TAOK3: variants seen among roughly 807,000 people sequenced by gnomAD.
TAOK3 encodes serine/threonine-protein kinase TAO3.
A neutral mutation model predicts 120.4 loss-of-function variants in TAOK3; 40 were observed. The ratio of observed to expected loss-of-function variants is 0.33; its 90% CI spans 0.26 to 0.43. TAOK3 has a LOEUF of 0.43. Ranked by LOEUF, TAOK3 falls within the 20% of genes least tolerant of loss-of-function variation. The pLI, the probability that TAOK3 is intolerant of heterozygous loss-of-function variation, is 1.00. For synonymous variants in TAOK3, 355 were observed against 387.5 expected (o/e 0.92, Z 0.99); for missense variants, 821 against 1,112.1 (o/e 0.74, Z 3.72).
Position 118,360,678 on chromosome 12 carries a change from T to TA in TAOK3, c.-194+11969dup, listed in dbSNP as rs1330088635. Reference sequence around the variant, plus strand: ...ACTAGGAATACAATAATGAACAAAATAAAGTCCCTGTGGTCATTCATATAA... The same window carrying TA: ...ACTAGGAATACAATAATGAACAAAATAAAAGTCCCTGTGGTCATTCATATAA... On this transcript the variant is annotated intron_variant, in intron 1 of 20. Coordinates refer to ENST00000392533, the MANE Select transcript of TAOK3 (RefSeq NM_016281.4). Among the ~76,000 whole-genome samples the TA allele has an allele frequency of 4.6e-5, 7 of 150,982 alleles. No individual in the cohort carries two copies. In the East Asian group the frequency reaches 1.4e-3, roughly 29 times the overall value.
At chr12:118,183,539 A>G (rs942664366) in intron 14 of TAOK3, among the ~76,000 whole-genome samples, 7 of 152,212 alleles carry the variant, frequency 4.6e-5, no homozygotes, top group African/African-American at 1.7e-4. Context: ...TATTATCAGA[A>G]AATGTGTTTT....
intron 3 of TAOK3, among the ~76,000 whole-genome samples, chr12:118,247,627 A>C (rs1210339173): frequency 6.6e-6 from 1 of 151,878 alleles, no homozygotes; most frequent in Non-Finnish European, 1.5e-5. Flanking sequence ...TGATCTTCCC[A>C]CCACAGCCTC....
intron 14 of TAOK3, among the ~76,000 whole-genome samples, chr12:118,189,535 GACACACACACAC>G (rs869285530): frequency 0.39 from 51,939 of 132,132 alleles, 10,285 homozygotes; most frequent in Admixed American, 0.46. Flanking sequence ...CACAGACACA[GACACACACACAC>G]ACACACACAC....
chr12:118,238,258 T>C, intron 6 of TAOK3, 89 bp from the exon 7 acceptor site: 1 of 673,940 alleles, frequency 1.5e-6, no homozygotes. Context: ...CTGGGTTACA[T>C]ACTTTCTCAC....
chr12:118,181,029 G>A (rs2036683423), intron 15 of TAOK3, among the ~76,000 whole-genome samples: 1 of 151,994 alleles, frequency 6.6e-6, no homozygotes, highest in Non-Finnish European at 1.5e-5. Context: ...ATTTTTAGAA[G>A]AGATGGAGTT....
chr12:118,153,566 T>A (rs2034601292), intron 19 of TAOK3, among the ~76,000 whole-genome samples: 1 of 151,992 alleles, frequency 6.6e-6, no homozygotes, highest in South Asian at 2.1e-4. Context: ...CAAAGCAGAG[T>A]AGAAGGTTTC....
At chr12:118,267,723 G>A (rs1461343089) in intron 1 of TAOK3, among the ~76,000 whole-genome samples, 2 of 150,628 alleles carry the variant, frequency 1.3e-5, no homozygotes, top group African/African-American at 4.9e-5. Context: ...CGTCTCTACT[G>A]AAAATAAACA....
chr12:118,252,075 C>A (rs2040779818), intron 3 of TAOK3, among the ~76,000 whole-genome samples: 1 of 152,152 alleles, frequency 6.6e-6, no homozygotes, highest in African/African-American at 2.4e-5. Context: ...CCCGCCTCGG[C>A]CTCCCAAGTG....
intron 1 of TAOK3, among the ~76,000 whole-genome samples, chr12:118,338,768 C>CA (rs1418828412): frequency 2.7e-5 from 3 of 110,954 alleles, no homozygotes; most frequent in African/African-American, 3.6e-5. Context: ...GTGTGGTCGA[C>CA]AGAGTGAGAC....
chr12:118,164,557 A>T (rs2035457154), intron 17 of TAOK3, among the ~76,000 whole-genome samples: 1 of 151,812 alleles, frequency 6.6e-6, no homozygotes, highest in Non-Finnish European at 1.5e-5. Context: ...AGCTGGGATT[A>T]CAGGTGCCCA....
intron 1 of TAOK3, among the ~76,000 whole-genome samples, chr12:118,356,446 TAC>T (rs1006304369): frequency 6.6e-6 from 1 of 151,894 alleles, no homozygotes; most frequent in African/African-American, 2.4e-5. Flanking sequence ...ATTACAGACT[TAC>T]ACCACCACGC....
chr12:118,194,240 A>G (rs914505659), intron 13 of TAOK3, among the ~76,000 whole-genome samples: 3 of 152,166 alleles, frequency 2.0e-5, no homozygotes, highest in African/African-American at 7.2e-5. Flanking sequence ...AGAAGGGATC[A>G]GCAGACCCAC....
chr12:118,213,871 C>A (rs940960950), intron 10 of TAOK3, 146 bp downstream of exon 10: 3 of 694,442 alleles, frequency 4.3e-6, no homozygotes, highest in Non-Finnish European at 7.2e-6. Context: ...ACAGTTGATG[C>A]TTGTGAGGCA....
At chr12:118,164,973 T>G (rs1565879133) in intron 17 of TAOK3, among the ~76,000 whole-genome samples, 1 of 152,158 alleles carries the variant, frequency 6.6e-6, no homozygotes, top group African/African-American at 2.4e-5. Context: ...GAGCACCTAC[T>G]ATGTGCTGGG....
At chr12:118,217,842 T>C (rs555102287) in intron 9 of TAOK3, among the ~76,000 whole-genome samples, 1 of 102,170 alleles carries the variant, frequency 9.8e-6, no homozygotes, top group African/African-American at 3.8e-5. Context: ...TATATATATA[T>C]ATATATATAT....
chr12:118,271,131 T>TA (rs1253386054), intron 1 of TAOK3, among the ~76,000 whole-genome samples: 8 of 152,132 alleles, frequency 5.3e-5, no homozygotes, highest in African/African-American at 1.9e-4. Context: ...CCTGATATTT[T>TA]AAAAAATAAA....
At chr12:118,205,031 A>T (rs1323640796) in intron 11 of TAOK3, among the ~76,000 whole-genome samples, 1 of 152,062 alleles carries the variant, frequency 6.6e-6, no homozygotes, top group Non-Finnish European at 1.5e-5. Context: ...TTAGCAGGGC[A>T]TGTTGGCACG....
At chr12:118,189,057 A>G (rs1454202092) in intron 14 of TAOK3, among the ~76,000 whole-genome samples, 1 of 152,232 alleles carries the variant, frequency 6.6e-6, no homozygotes, top group African/African-American at 2.4e-5. Context: ...TCACATTTGC[A>G]ATAGTAAAAA....
chr12:118,214,204 C>T lies in TAOK3; in HGVS notation c.644-94G>A, dbSNP rs570004396. On this transcript the variant is annotated intron_variant, in intron 9 of 20. Transcript: ENST00000392533. ...TATGAGCAAAGCTTTGCGGCTAAAT[C>T]AATAGCTCATTACTGTCATCATGCC... 7.9e-5 allele frequency: 73 copies of T among 922,364 alleles called. 1 individual carries two copies. In the African/African-American group the frequency reaches 1.0e-3, roughly 13 times the overall value. The allele number at this position is 922,364 out of a possible 1,614,324, so 57.1% of individuals were successfully genotyped here.
Sources: gnomAD v4.1 joint callset for allele counts (sites outside exome capture counted in the v4.1 genomes callset) on GRCh38, gnomAD v4.1.1 for gene constraint, MANE v1.5 for transcripts, NCBI Gene and HGNC (gene_info 2026-07-23, HGNC 2026-07-21) for gene names.